Variants in ITGA6 observed in about 807,000 individuals in gnomAD.
The protein encoded by ITGA6 is integrin subunit alpha 6.
ITGA6 carries 63 observed loss-of-function variants against 133.6 expected under a neutral mutation model. That is an observed-to-expected ratio of 0.47 (90% confidence interval 0.38 to 0.58). The LOEUF (loss-of-function observed/expected upper bound fraction) is 0.58. ITGA6 is among the 20% of genes least tolerant of loss of function. The pLI, the probability that ITGA6 is intolerant of heterozygous loss-of-function variation, is 0.00. For missense variants in ITGA6, 1,068 were observed against 1,309.4 expected (o/e 0.82, Z 2.85); for synonymous variants, 434 against 482.0 (o/e 0.90, Z 1.30).
intron 1 of ITGA6, among the ~76,000 whole-genome samples, chr2:172,450,309 G>C (rs548668836): frequency 6.6e-6 from 1 of 152,192 alleles, no homozygotes; most frequent in East Asian, 1.9e-4. Flanking sequence ...GGACGGGCTC[G>C]GGTGGAACAA....
intron 1 of ITGA6, among the ~76,000 whole-genome samples, chr2:172,442,041 A>C (rs1043363561): frequency 6.6e-6 from 1 of 152,244 alleles, no homozygotes; most frequent in African/African-American, 2.4e-5. Context: ...TGAGTTGCTC[A>C]GATGATAAAC....
intron 3 of ITGA6, among the ~76,000 whole-genome samples, chr2:172,467,901 C>T (rs1452413664): frequency 4.0e-5 from 6 of 151,732 alleles, no homozygotes; most frequent in South Asian, 2.1e-4. Flanking sequence ...ACAGGAGAAT[C>T]GCTTGAACCT....
At chr2:172,465,200 T>C in intron 1 of ITGA6, 1 of 346,108 alleles carries the variant, frequency 2.9e-6, no homozygotes, top group Non-Finnish European at 5.5e-6. Context: ...TTTCATATGA[T>C]ATCCCTGGCA....
At chr2:172,472,971 ATCTT>A in intron 5 of ITGA6, 3 of 827,108 alleles carry the variant, frequency 3.6e-6, no homozygotes, top group Non-Finnish European at 6.3e-6. Context: ...CAGAGCATAA[ATCTT>A]TTTATGCCCT....
At chr2:172,428,146 G>C in intron 1 of ITGA6, 176 bp downstream of exon 1, 1 of 384,428 alleles carries the variant, frequency 2.6e-6, no homozygotes, top group Non-Finnish European at 4.2e-6. Flanking sequence ...GACCCGCCCC[G>C]CGCGGCGCCT....
chr2:172,457,700 G>C (rs17676190), intron 1 of ITGA6, among the ~76,000 whole-genome samples: 4,247 of 152,266 alleles, frequency 0.028, 81 homozygotes, highest in Middle Eastern at 0.065. Flanking sequence ...AGGAGTGGTA[G>C]TCATGATAAG....
At chr2:172,493,481 C>CCTTA (rs1259139900) in intron 23 of ITGA6, among the ~76,000 whole-genome samples, 1 of 151,974 alleles carries the variant, frequency 6.6e-6, no homozygotes, top group East Asian at 1.9e-4. Flanking sequence ...ATTAATGAAG[C>CCTTA]CTTAATAAAA....
At chr2:172,455,999 A>G (rs1320964820) in intron 1 of ITGA6, among the ~76,000 whole-genome samples, 1 of 152,226 alleles carries the variant, frequency 6.6e-6, no homozygotes. Flanking sequence ...TGGGGAAGGC[A>G]GGGAAGTGGG....
chr2:172,432,035 G>A (rs1032829047), intron 1 of ITGA6, among the ~76,000 whole-genome samples: 4 of 152,118 alleles, frequency 2.6e-5, no homozygotes, highest in Admixed American at 6.5e-5. Flanking sequence ...GAATTATGGC[G>A]CATGGTTTCC....
At chr2:172,499,515 C>T (rs1687265716) in intron 24 of ITGA6, among the ~76,000 whole-genome samples, 2 of 152,128 alleles carry the variant, frequency 1.3e-5, no homozygotes, top group Admixed American at 6.5e-5. Flanking sequence ...CGTGCCACCA[C>T]ATCTAGCTAG....
chr2:172,504,243 C>G lies in ITGA6; in HGVS notation c.*175C>G, dbSNP rs1318106385. On this transcript the variant is annotated 3_prime_UTR_variant, in exon 26 of 26. Transcript: ENST00000684293. ...TCACAAAGTGGAACGAAAATGAAAG[C>G]TACTCATAGCGGGGGCCTAAAAAAA... 2 of 1,560,384 alleles carry G rather than the reference C, an allele frequency of 1.3e-6. No individual in the cohort carries two copies. The highest frequency in any genetic ancestry group is 2.8e-5 in the African/African-American group (2 of 72,560).
chr2:172,475,206 G>A (rs530755854), intron 7 of ITGA6, 84 bp downstream of exon 7: 69 of 969,992 alleles, frequency 7.1e-5, no homozygotes, highest in Non-Finnish European at 1.0e-4. Flanking sequence ...AGTGGCTCAC[G>A]CCTGTAATCC....
At chr2:172,447,545 T>C (rs1325823544) in intron 1 of ITGA6, among the ~76,000 whole-genome samples, 1 of 152,248 alleles carries the variant, frequency 6.6e-6, no homozygotes, top group Non-Finnish European at 1.5e-5. Context: ...TATTTATTTC[T>C]GTACTTACAA....
chr2:172,497,949 ATGC>A (rs1185457712), intron 23 of ITGA6, 23 bp from the exon 24 acceptor site: 1 of 1,613,398 alleles, frequency 6.2e-7, no homozygotes, highest in Non-Finnish European at 8.5e-7. Context: ...GTATGTAGTA[ATGC>A]TGCTTTCTTT....
chr2:172,457,099 G>A lies in ITGA6; in HGVS notation c.183-8440G>A, dbSNP rs141044814. Among the ~76,000 whole-genome samples, 812 of 152,216 alleles carry A rather than the reference G, an allele frequency of 5.3e-3. 8 individuals carry two copies. The highest frequency in any genetic ancestry group is 0.018 in the African/African-American group (768 of 41,542). ...ACTTGAGGTCAGGAGTTCAAGACCA[G>A]CCTGGCCAACATGGTGAAACCCCAT... is the stretch of plus-strand genomic sequence containing the variant. On this transcript the variant is annotated intron_variant, in intron 1 of 25. Transcript: ENST00000684293.
chr2:172,443,490 G>A (rs1425453439), intron 1 of ITGA6, among the ~76,000 whole-genome samples: 1 of 152,160 alleles, frequency 6.6e-6, no homozygotes, highest in Non-Finnish European at 1.5e-5. Context: ...GGTCACGGCT[G>A]ATTCTGGAGG....
intron 1 of ITGA6, among the ~76,000 whole-genome samples, chr2:172,433,630 C>A (rs1684198865): frequency 6.6e-6 from 1 of 152,206 alleles, no homozygotes. Context: ...GGCGGCATGT[C>A]TAGCAAACTT....
In ITGA6 at chr2:172,491,102, G is replaced by A. The variant is rs1359545996; in HGVS notation, c.2758G>A (p.Glu920Lys). ...TAACAGAAAATTTTCTTTATTTGCT[G>A]AAAGAAAATACCAGACTCTTGTAAG... ...DDNRKFSLFA[E>K]RKYQTLNCSV... Residue 920 changes from glutamate (E) to lysine (K), a missense_variant, in exon 21 of 26, where the codon GAA (glutamate) becomes AAA (lysine). Around this residue, in one of 3 missense-constraint regions of ITGA6, gnomAD observed 609 missense variants for 707.2 expected, o/e 0.86. Transcript: ENST00000684293. This position sits in a 1 kb window ranked among gnomAD's most constrained non-coding sequence, Gnocchi z 4.4. 1 of 1,543,252 alleles carries A rather than the reference G, an allele frequency of 6.5e-7. No individual in the cohort carries two copies. The highest frequency in any genetic ancestry group is 9.0e-7 in the Non-Finnish European group (1 of 1,115,642).
chr2:172,486,057 T>TC (rs1455603082), intron 13 of ITGA6, among the ~76,000 whole-genome samples: 4 of 150,340 alleles, frequency 2.7e-5, no homozygotes, highest in African/African-American at 9.8e-5. Context: ...ATGCCTATAA[T>TC]CACAGCTACT....
Sources: gnomAD v4.1 joint callset for allele counts (sites outside exome capture counted in the v4.1 genomes callset) on GRCh38, gnomAD v4.1.1 for gene constraint, gnomAD v4.1.1 regional missense constraint, Gnocchi (gnomAD v3.1) non-coding constraint, MANE v1.5 for transcripts, NCBI Gene and HGNC (gene_info 2026-07-23, HGNC 2026-07-21) for gene names.